The following WHAMM variants were observed in gnomAD, a reference collection of about 807,000 sequenced individuals.
The protein encoded by WHAMM is WASP homolog associated with actin, golgi membranes and microtubules.
Under a neutral mutation model 76.5 loss-of-function variants are expected in WHAMM, and 67 were observed. That is an observed-to-expected ratio of 0.88 (90% CI 0.72 to 1.07). WHAMM has a LOEUF of 1.07. WHAMM is among the 50% of genes least tolerant of loss of function. The pLI, the probability that WHAMM is intolerant of heterozygous loss-of-function variation, is 0.00. For missense variants in WHAMM, 1,021 were observed against 1,051.1 expected, an observed-to-expected ratio of 0.97 and a Z score of 0.40; for synonymous variants, 419 against 422.1, an observed-to-expected ratio of 0.99 and a Z score of 0.09.
In WHAMM at chr15:82,833,253, CCTT is replaced by C. The variant is rs2051063165; in HGVS notation, c.2148_2150del (p.Leu717del). ...GGATCTATGGATGAAGTGTTGGCCT[CCTT>C]AAGGCATGGCAGAGCTCCTCTCCGG... On this transcript the variant is annotated inframe_deletion, in exon 10 of 10. Transcript: ENST00000286760. The C allele has an allele frequency of 6.2e-7, 1 of 1,613,816 alleles. No homozygotes were observed. The highest frequency in any genetic ancestry group is 1.3e-5 in the African/African-American group (1 of 74,930).
intron 1 of WHAMM, 35 bp downstream of exon 1, chr15:82,810,370 C>A: frequency 7.7e-7 from 1 of 1,291,336 alleles, no homozygotes; most frequent in Non-Finnish European, 9.8e-7. Context: ...TTCGTCCGCG[C>A]TTCCATGGCC....
chr15:82,814,412 T>G (rs899744747), intron 2 of WHAMM, among the ~76,000 whole-genome samples: 1 of 152,208 alleles, frequency 6.6e-6, no homozygotes, highest in Non-Finnish European at 1.5e-5. Context: ...ATTTTGAAAG[T>G]CTATTATTTG....
Position 82,830,593 on chromosome 15 carries a change from T to C in WHAMM, c.1642-6T>C, listed in dbSNP as rs2051010383. ...CAGATTGCTCACCATGGTTTTTCAT[T>C]TTCAGAAACGCCTAGCTCAATCTGT... On this transcript the variant is annotated splice_polypyrimidine_tract_variant and splice_region_variant and intron_variant, in intron 8 of 9. Coordinates refer to ENST00000286760, the MANE Select transcript of WHAMM (RefSeq NM_001080435.3). 1.2e-6 allele frequency: 2 copies of C among 1,600,766 alleles called. No homozygotes were observed. Among genetic ancestry groups the C allele is most frequent in the Non-Finnish European group, 8.5e-7 (1 of 1,170,508 alleles).
At chr15:82,827,482 AAAT>A (rs1483915674) in intron 8 of WHAMM, among the ~76,000 whole-genome samples, 1 of 152,142 alleles carries the variant, frequency 6.6e-6, no homozygotes, top group Non-Finnish European at 1.5e-5. Flanking sequence ...AAAATTCAAA[AAAT>A]AATTTTTTGC....
intron 8 of WHAMM, among the ~76,000 whole-genome samples, chr15:82,829,703 G>C (rs1385350925): frequency 6.6e-6 from 1 of 151,966 alleles, no homozygotes; most frequent in East Asian, 1.9e-4. Flanking sequence ...ATTGCATGGG[G>C]GGGGTGTGTG....
In WHAMM at chr15:82,833,578, A is replaced by G; in HGVS notation, c.*42A>G. ...GGCACCTGCCACAGTAGGCTTGAAT[A>G]AAGTGGGTGAGTCTTAGACCTATCG... On this transcript the variant is annotated 3_prime_UTR_variant, in exon 10 of 10. Transcript: ENST00000286760. The G allele has an allele frequency of 1.9e-6, 3 of 1,597,766 alleles. No homozygotes were observed. The highest frequency in any genetic ancestry group is 1.1e-5 in the South Asian group (1 of 89,262).
chr15:82,815,155 A>ATATATATATATATATATG (rs55807384), intron 2 of WHAMM, among the ~76,000 whole-genome samples: 1 of 46,148 alleles, frequency 2.2e-5, no homozygotes, highest in Non-Finnish European at 4.0e-5. Flanking sequence ...ATATATATAT[A>ATATATATATATATATATG]GTACAATTCA....
Position 82,824,162 on chromosome 15 carries a change from C to CT in WHAMM, c.1458+888dup, listed in dbSNP as rs71156055. On this transcript the variant is annotated intron_variant, in intron 6 of 9. Coordinates refer to ENST00000286760, the MANE Select transcript of WHAMM (RefSeq NM_001080435.3). ...TACTCATATTTACTATACTTTTCTCCTTTTTTTTTTTTTGAAACAGAGTCT... is the reference window on the plus strand; with the variant it reads ...TACTCATATTTACTATACTTTTCTCCTTTTTTTTTTTTTTGAAACAGAGTCT... Among the ~76,000 whole-genome samples, 452 of 118,036 alleles carry CT rather than the reference C, an allele frequency of 3.8e-3. 19 individuals are homozygous for CT. Among genetic ancestry groups the CT allele is most frequent in the Non-Finnish European group, 6.3e-3 (363 of 57,570 alleles). The allele number at this position is 118,036 out of a possible 152,430, so 77.4% of individuals were successfully genotyped here. A position where few individuals can be genotyped will look rare whatever the true frequency, so the allele number is the denominator to read the frequency against.
At position 82,823,273 on chromosome 15, in the gene WHAMM, C is replaced by A; in HGVS notation, c.1444C>A (p.Leu482Ile). The change falls in exon 6 of 10, where the codon CTC (leucine) becomes ATC (isoleucine). Residue 482 changes from leucine to isoleucine, a missense_variant. Transcript: ENST00000286760. ...RGRICAKRAS[L>I]RSRKDQCKEN... ...CAGGATCTGTGCCAAAAGAGCCTCT[C>A]TCCGGAGTAGAAAGGTAGGTACGCT... 1.3e-6 allele frequency: 2 copies of A among 1,513,748 alleles called. No homozygotes were observed. Among genetic ancestry groups the A allele is most frequent in the Non-Finnish European group, 8.9e-7 (1 of 1,125,668 alleles). The allele number at this position is 1,513,748 out of a possible 1,614,324, so 93.8% of individuals were successfully genotyped here.
chr15:82,813,851 G>T (rs377071906), intron 2 of WHAMM, among the ~76,000 whole-genome samples: 1 of 151,330 alleles, frequency 6.6e-6, no homozygotes, highest in East Asian at 1.9e-4. Context: ...GTAGAGACGG[G>T]GTTTCACCAT....
chr15:82,823,639 C>T (rs915017954), intron 6 of WHAMM, among the ~76,000 whole-genome samples: 7 of 152,172 alleles, frequency 4.6e-5, no homozygotes, highest in African/African-American at 7.2e-5. Flanking sequence ...GATGTTGGCT[C>T]ACTGCAACTT....
rs574143899 is a variant in WHAMM, at chr15:82,819,260, T to C, written c.1105-63T>C. The C allele has an allele frequency of 1.1e-4, 70 of 654,474 alleles. 1 individual carries two copies. The South Asian group carries it at 2.3e-3, about 21-fold the overall frequency. The allele number at this position is 654,474 out of a possible 1,614,324, so 40.5% of individuals were successfully genotyped here. Reference sequence around the variant, plus strand: ...GAATAGAAAATAGCTAGAATGCTTCTAAAGTTTGTTTTTAATATACTAATT... The same window carrying C: ...GAATAGAAAATAGCTAGAATGCTTCCAAAGTTTGTTTTTAATATACTAATT... On this transcript the variant is annotated intron_variant, in intron 4 of 9. Coordinates refer to ENST00000286760, the MANE Select transcript of WHAMM (RefSeq NM_001080435.3).
chr15:82,825,832 G>A (rs2050922102), intron 6 of WHAMM, among the ~76,000 whole-genome samples: 1 of 151,882 alleles, frequency 6.6e-6, no homozygotes, highest in Admixed American at 6.6e-5. Context: ...CAAATTTCAT[G>A]TGAGGATAAA....
intron 7 of WHAMM, 118 bp from the exon 8 acceptor site, chr15:82,826,633 G>C: frequency 6.4e-7 from 1 of 1,562,602 alleles, no homozygotes; most frequent in Non-Finnish European, 8.7e-7. Context: ...CCTGGGCGCA[G>C]CCTTGGGGTG....
In WHAMM at chr15:82,833,717, T is replaced by G; in HGVS notation, c.*181T>G. 2.2e-5 allele frequency: 14 copies of G among 637,082 alleles called. No homozygotes were observed. Among genetic ancestry groups the G allele is most frequent in the Non-Finnish European group, 3.4e-5 (13 of 383,926 alleles). The allele number at this position is 637,082 out of a possible 1,614,324, so 39.5% of individuals were successfully genotyped here. A position where few individuals can be genotyped will look rare whatever the true frequency, so the allele number is the denominator to read the frequency against. On this transcript the variant is annotated 3_prime_UTR_variant, in exon 10 of 10. Coordinates refer to ENST00000286760, the MANE Select transcript of WHAMM (RefSeq NM_001080435.3). ...TTTTTTTTTCTTTTTTGAGATGGAG[T>G]CTCACTCTGTCGCCCAGGCTGGGGT...
At chr15:82,810,461 C>A in intron 1 of WHAMM, 126 bp downstream of exon 1, 1 of 1,222,380 alleles carries the variant, frequency 8.2e-7, no homozygotes, top group Non-Finnish European at 1.0e-6. Context: ...CGGAGAAGGC[C>A]GCGGGCTCCC....
chr15:82,827,852 C>A (rs1269059947), intron 8 of WHAMM, among the ~76,000 whole-genome samples: 1 of 151,756 alleles, frequency 6.6e-6, no homozygotes, highest in South Asian at 2.1e-4. Context: ...GGCTAAGGCA[C>A]AAGAATCACT....
At chr15:82,811,631 C>A (rs2050630650) in intron 1 of WHAMM, among the ~76,000 whole-genome samples, 1 of 152,050 alleles carries the variant, frequency 6.6e-6, no homozygotes, top group Admixed American at 6.6e-5. Flanking sequence ...AGCTTAAATT[C>A]AAAACGTGTT....
intron 8 of WHAMM, 146 bp from the exon 9 acceptor site, chr15:82,830,453 A>G: frequency 1.6e-6 from 2 of 1,262,488 alleles, no homozygotes. Context: ...GTTCGGTAGA[A>G]AGGATGGCTG....
Sources: gnomAD v4.1 joint callset for allele counts (sites outside exome capture counted in the v4.1 genomes callset) on GRCh38, gnomAD v4.1.1 for gene constraint, MANE v1.5 for transcripts, NCBI Gene and HGNC (gene_info 2026-07-23, HGNC 2026-07-21) for gene names.